The following PON1 variants were observed in gnomAD, a reference collection of about 807,000 sequenced individuals.
PON1 encodes serum paraoxonase/arylesterase 1.
A neutral mutation model predicts 39.2 loss-of-function variants in PON1; 37 were observed. The ratio of observed to expected loss-of-function variants is 0.94; its 90% CI spans 0.73 to 1.24. PON1 has a LOEUF of 1.24. Ranked by LOEUF, PON1 falls within the 50% of genes most tolerant of loss-of-function variation. The pLI is 0.00. For synonymous variants in PON1, 148 were observed against 152.2 expected (o/e 0.97, Z 0.21); for missense variants, 397 against 413.5 (o/e 0.96, Z 0.35).
rs1284110357 is a variant in PON1 at position 95,305,944 on chromosome 7, G to GGGAGGAGAGGGAAGGAAGGT, written c.780+321_780+340dup. 7.2e-5 allele frequency among the ~76,000 whole-genome samples: 11 copies of GGGAGGAGAGGGAAGGAAGGT among 152,252 alleles called. No individual in the cohort carries two copies. In the South Asian group the frequency reaches 8.3e-4, roughly 11 times the overall value. The stretch of plus-strand genomic sequence containing the variant: ...CATAGAGGAAAAAAGAGAAAGAAAA[G>GGGAGGAGAGGGAAGGAAGGT]GGAGGAGAGGGAAGGAAGGTGGAGG... On this transcript the variant is annotated intron_variant, in intron 7 of 8. Coordinates refer to ENST00000222381, the MANE Select transcript of PON1 (RefSeq NM_000446.7).
rs531394489 is a variant in PON1, at chr7:95,306,233, C to T, written c.780+52G>A. ...TTTCTTCACATTTAATTTCACAAAT[C>T]AATTAGAATCTAATTATCACTCTGC... On this transcript the variant is annotated intron_variant, in intron 7 of 8. Coordinates refer to ENST00000222381, the MANE Select transcript of PON1 (RefSeq NM_000446.7). 136 of 1,418,442 alleles carry T rather than the reference C, an allele frequency of 9.6e-5. 5 individuals are homozygous for T. In the South Asian group the frequency reaches 1.6e-3, roughly 16 times the overall value. The allele number at this position is 1,418,442 out of a possible 1,614,324, so 87.9% of individuals were successfully genotyped here.
intron 7 of PON1, among the ~76,000 whole-genome samples, chr7:95,304,196 G>T (rs1342667108): frequency 6.6e-6 from 1 of 152,006 alleles, no homozygotes; most frequent in Non-Finnish European, 1.5e-5. Context: ...CTGTCTCCAT[G>T]AATTTGCCTG....
At chr7:95,302,110 A>C (rs1391654787) in intron 8 of PON1, 95 bp downstream of exon 8, 14 of 837,246 alleles carry the variant, frequency 1.7e-5, no homozygotes, top group Non-Finnish European at 2.2e-5. Flanking sequence ...AAAAAAAAAA[A>C]AAAAAAAAAA....
At chr7:95,300,260 A>G (rs1807392162) in intron 8 of PON1, among the ~76,000 whole-genome samples, 2 of 152,244 alleles carry the variant, frequency 1.3e-5, no homozygotes, top group African/African-American at 4.8e-5. Flanking sequence ...GACCTGGGTC[A>G]TGTCTTGGAT....
intron 7 of PON1, among the ~76,000 whole-genome samples, chr7:95,305,237 G>C (rs1302568513): frequency 6.6e-6 from 1 of 152,180 alleles, no homozygotes; most frequent in Non-Finnish European, 1.5e-5. Context: ...TTTATGGCAG[G>C]AAAGCAACGT....
intron 1 of PON1, among the ~76,000 whole-genome samples, chr7:95,323,984 A>G (rs1164078014): frequency 6.6e-6 from 1 of 152,028 alleles, no homozygotes; most frequent in East Asian, 1.9e-4. Context: ...CAAGCCTGGA[A>G]GGTTTGCCAT....
intron 3 of PON1, among the ~76,000 whole-genome samples, chr7:95,315,834 A>G (rs1807755781): frequency 6.6e-6 from 1 of 152,242 alleles, no homozygotes; most frequent in African/African-American, 2.4e-5. Context: ...CAAGGAATAC[A>G]GAGAGAATAT....
At chr7:95,319,766 C>G (rs1395890676) in intron 1 of PON1, among the ~76,000 whole-genome samples, 1 of 152,084 alleles carries the variant, frequency 6.6e-6, no homozygotes, top group Non-Finnish European at 1.5e-5. Context: ...AAAGCAGTGG[C>G]TTACAAACTT....
rs1265742677 is a variant in PON1 at position 95,315,551 on chromosome 7, G to C, written c.202-61C>G. 3 of 1,532,088 alleles carry C rather than the reference G, an allele frequency of 2.0e-6. No individual in the cohort carries two copies. In the African/African-American group the frequency reaches 4.1e-5, roughly 21 times the overall value. 94.9% of individuals were successfully genotyped at this position (1,532,088 alleles called of 1,614,324 possible). A position where few individuals can be genotyped will look rare whatever the true frequency, so the allele number is the denominator to read the frequency against. ...ACCAGTACTTCAAATGCTAATAGAGGCGCTGCATGGCCCATGGGTTCATGT... is the reference window on the plus strand; with the variant it reads ...ACCAGTACTTCAAATGCTAATAGAGCCGCTGCATGGCCCATGGGTTCATGT... On this transcript the variant is annotated intron_variant, in intron 3 of 8. Coordinates refer to ENST00000222381, the MANE Select transcript of PON1 (RefSeq NM_000446.7).
intron 3 of PON1, 76 bp from the exon 4 acceptor site, chr7:95,315,566 T>C (rs1255053562): frequency 1.4e-6 from 2 of 1,473,540 alleles, no homozygotes; most frequent in African/African-American, 1.4e-5. Context: ...GCATGGCCCA[T>C]GGGTTCATGT....
chr7:95,307,925 TATC>T, intron 6 of PON1, 83 bp downstream of exon 6: 1 of 1,270,368 alleles, frequency 7.9e-7, no homozygotes, highest in Non-Finnish European at 1.1e-6. Flanking sequence ...TGTTAAAATG[TATC>T]ATATTACTTA....
intron 1 of PON1, among the ~76,000 whole-genome samples, chr7:95,318,789 C>T (rs1807828867): frequency 6.6e-6 from 1 of 152,138 alleles, no homozygotes; most frequent in African/African-American, 2.4e-5. Flanking sequence ...TACTCATCTG[C>T]CCAATCTGAC....
intron 1 of PON1, among the ~76,000 whole-genome samples, chr7:95,320,487 C>T (rs1807871996): frequency 6.6e-6 from 1 of 152,190 alleles, no homozygotes; most frequent in Admixed American, 6.5e-5. Context: ...AGTTCAGGTA[C>T]CGTATATGCC....
chr7:95,309,653 T>G (rs2116311604), intron 5 of PON1, among the ~76,000 whole-genome samples: 1 of 152,302 alleles, frequency 6.6e-6, no homozygotes, highest in East Asian at 1.9e-4. Context: ...GCATTGTCAC[T>G]AAATTTTGAG....
Position 95,298,463 on chromosome 7 carries a change from T to A in PON1, c.*481A>T, listed in dbSNP as rs1807337659. 4.3e-6 allele frequency: 1 copy of A among 233,426 alleles called. No individual in the cohort carries two copies. Among genetic ancestry groups the A allele is most frequent in the African/African-American group, 2.3e-5 (1 of 44,248 alleles). 14.5% of individuals were successfully genotyped at this position (233,426 alleles called of 1,614,324 possible). On this transcript the variant is annotated 3_prime_UTR_variant, in exon 9 of 9. Coordinates refer to ENST00000222381, the MANE Select transcript of PON1 (RefSeq NM_000446.7). Reference sequence around the variant, plus strand: ...AGTCAGACTTACTATGTGCATGGAGTAGAGGGGAACTTCATAATGCATATG... The same window carrying A: ...AGTCAGACTTACTATGTGCATGGAGAAGAGGGGAACTTCATAATGCATATG...
In PON1 at chr7:95,316,674, C is replaced by T. The variant is rs938410310; in HGVS notation, c.201+60G>A. 1.6e-5 allele frequency: 23 copies of T among 1,437,172 alleles called. No homozygotes were observed. In the Admixed American group the frequency reaches 3.3e-4, roughly 21 times the overall value. 89.0% of individuals were successfully genotyped at this position (1,437,172 alleles called of 1,614,324 possible). A position where few individuals can be genotyped will look rare whatever the true frequency, so the allele number is the denominator to read the frequency against. On this transcript the variant is annotated intron_variant, in intron 3 of 8. Coordinates refer to ENST00000222381, the MANE Select transcript of PON1 (RefSeq NM_000446.7). Reference sequence around the variant, plus strand: ...GTATACAGAAAGCCTAAGTGAAAGACTTAAACTGCCAGTCCTAGAAAACGT... The same window carrying T: ...GTATACAGAAAGCCTAAGTGAAAGATTTAAACTGCCAGTCCTAGAAAACGT...
intron 4 of PON1, among the ~76,000 whole-genome samples, chr7:95,313,273 G>A (rs925249692): frequency 7.9e-5 from 12 of 152,168 alleles, no homozygotes; most frequent in Non-Finnish European, 1.5e-4. Context: ...ATACATGTGC[G>A]AGAAAGTTTA....
rs1043916192 is a variant in PON1 at position 95,301,939 on chromosome 7, T to A, written c.909+266A>T. On this transcript the variant is annotated intron_variant, in intron 8 of 8. Transcript: ENST00000222381. ...TGTCTCTACTAAAAAAAAAAAAAAA[T>A]ACAAAAAATTAGCCAGGCATGGTGG... Among the ~76,000 whole-genome samples the A allele has an allele frequency of 8.3e-3, 769 of 92,596 alleles. 3 individuals are homozygous for A. The highest frequency in any genetic ancestry group is 0.028 in the African/African-American group (684 of 24,572). 60.7% of individuals were successfully genotyped at this position (92,596 alleles called of 152,430 possible).
intron 6 of PON1, among the ~76,000 whole-genome samples, chr7:95,307,016 CT>C: frequency 6.6e-6 from 1 of 151,694 alleles, no homozygotes; most frequent in South Asian, 2.1e-4. Context: ...CCCTGTTGCT[CT>C]CACTTGCTTG....
Sources: gnomAD v4.1 joint callset for allele counts (sites outside exome capture counted in the v4.1 genomes callset) on GRCh38, gnomAD v4.1.1 for gene constraint, MANE v1.5 for transcripts, NCBI Gene and HGNC (gene_info 2026-07-23, HGNC 2026-07-21) for gene names.